The following LUZP2 variants were observed in gnomAD, a reference collection of about 807,000 sequenced individuals.
LUZP2 encodes the protein leucine zipper protein 2.
In LUZP2, 52 loss-of-function variants were observed where a neutral mutation model predicts 51.6. The ratio of observed to expected loss-of-function variants is 1.01; its 90% confidence interval spans 0.81 to 1.27. LUZP2 has a LOEUF of 1.27. Ranked by LOEUF, LUZP2 falls within the 50% of genes most tolerant of loss-of-function variation. LUZP2 has a pLI of 0.00. For missense variants in LUZP2, 436 were observed against 395.4 expected, an observed-to-expected ratio of 1.10 and a Z score of -0.87; for synonymous variants, 154 against 137.3, an observed-to-expected ratio of 1.12 and a Z score of -0.85.
chr11:25,046,637 T>A (rs113963275), intron 9 of LUZP2, among the ~76,000 whole-genome samples: 24 of 152,258 alleles, frequency 1.6e-4, no homozygotes, highest in African/African-American at 5.3e-4. Flanking sequence ...CCCAAGCCTA[T>A]AATAGCCTGA....
chr11:24,520,610 A>G (rs1182411988), intron 1 of LUZP2, among the ~76,000 whole-genome samples: 3 of 152,222 alleles, frequency 2.0e-5, no homozygotes, highest in Non-Finnish European at 4.4e-5. Context: ...TTGTGTTAGT[A>G]TGTTAATTAT....
chr11:24,939,063 CT>C (rs1854671478), intron 7 of LUZP2, among the ~76,000 whole-genome samples: 3 of 151,928 alleles, frequency 2.0e-5, no homozygotes, highest in African/African-American at 7.3e-5. Flanking sequence ...ATTTTTCTCT[CT>C]CTCTCTCTCT....
At chr11:24,894,332 G>T (rs1440063415) in intron 5 of LUZP2, among the ~76,000 whole-genome samples, 1 of 151,856 alleles carries the variant, frequency 6.6e-6, no homozygotes, top group Non-Finnish European at 1.5e-5. Flanking sequence ...CTGCCACCAC[G>T]CCCGGCTAAT....
At chr11:24,498,996 C>T (rs1205433197) in intron 1 of LUZP2, among the ~76,000 whole-genome samples, 4 of 152,086 alleles carry the variant, frequency 2.6e-5, no homozygotes, top group Admixed American at 6.6e-5. Flanking sequence ...ATTTAATGTT[C>T]GATATCTAAT....
intron 1 of LUZP2, among the ~76,000 whole-genome samples, chr11:24,549,880 G>A (rs955063858): frequency 2.6e-5 from 4 of 151,956 alleles, no homozygotes; most frequent in Non-Finnish European, 4.4e-5. Context: ...TGAATTGGAA[G>A]ATTCAATAAA....
At chr11:24,847,198 G>A (rs116015796) in intron 5 of LUZP2, among the ~76,000 whole-genome samples, 1 of 151,754 alleles carries the variant, frequency 6.6e-6, no homozygotes, top group South Asian at 2.1e-4. Flanking sequence ...AATCAGCATT[G>A]TATATATTCA....
chr11:24,805,452 T>C (rs968025994), intron 5 of LUZP2, among the ~76,000 whole-genome samples: 2 of 152,112 alleles, frequency 1.3e-5, no homozygotes, highest in African/African-American at 4.8e-5. Flanking sequence ...TGACATCAAG[T>C]GATCTGCCTG....
intron 10 of LUZP2, among the ~76,000 whole-genome samples, chr11:25,052,151 T>C (rs1198616309): frequency 2.0e-5 from 3 of 152,174 alleles, no homozygotes; most frequent in Non-Finnish European, 4.4e-5. Flanking sequence ...GCTACACCTT[T>C]TAGTACATAG....
chr11:24,581,674 TATAA>T (rs1054438600), intron 1 of LUZP2, among the ~76,000 whole-genome samples: 32 of 3,546 alleles, frequency 9.0e-3, no homozygotes, highest in Non-Finnish European at 0.018. Flanking sequence ...CTGTCTAAAA[TATAA>T]ATATAAATAT....
rs565879142 is a variant in LUZP2, at chr11:24,739,802, A to G, written c.333+1500A>G. The stretch of plus-strand genomic sequence containing the variant: ...AATGATTGTTGACTTTTCAAAGTAC[A>G]AAACTGTTTCATGTAAGGATTCACT... On this transcript the variant is annotated intron_variant, in intron 4 of 11. Coordinates refer to ENST00000336930, the MANE Select transcript of LUZP2 (RefSeq NM_001009909.4). Among the ~76,000 whole-genome samples, 12 of 152,248 alleles carry G rather than the reference A, an allele frequency of 7.9e-5. 1 individual carries two copies. The South Asian group carries it at 2.5e-3, about 32-fold the overall frequency.
intron 10 of LUZP2, among the ~76,000 whole-genome samples, chr11:25,076,802 A>C (rs1859320528): frequency 1.3e-5 from 2 of 149,302 alleles, no homozygotes; most frequent in Non-Finnish European, 3.0e-5. Flanking sequence ...AAACTGGTGA[A>C]GCTAATAAGT....
intron 1 of LUZP2, among the ~76,000 whole-genome samples, chr11:24,570,193 G>A (rs544395818): frequency 7.6e-4 from 115 of 152,168 alleles, no homozygotes; most frequent in African/African-American, 2.5e-3. Flanking sequence ...TCATAGACGA[G>A]AAGACGGTGA....
chr11:24,753,695 G>T (rs1165038966), intron 4 of LUZP2, among the ~76,000 whole-genome samples: 1 of 152,040 alleles, frequency 6.6e-6, no homozygotes, highest in Non-Finnish European at 1.5e-5. Flanking sequence ...ACATTTTTAA[G>T]TTCTTGTCCC....
intron 9 of LUZP2, among the ~76,000 whole-genome samples, chr11:25,031,585 A>G (rs553565044): frequency 1.3e-5 from 2 of 152,102 alleles, no homozygotes; most frequent in African/African-American, 4.8e-5. Context: ...TATACTTTTC[A>G]TTCTAATTTT....
chr11:24,693,051 C>G (rs1279438311), intron 1 of LUZP2, among the ~76,000 whole-genome samples: 1 of 151,704 alleles, frequency 6.6e-6, no homozygotes, highest in South Asian at 2.1e-4. Context: ...TATATTTTTG[C>G]TACCATACCA....
intron 1 of LUZP2, among the ~76,000 whole-genome samples, chr11:24,499,935 G>A (rs1849942132): frequency 6.6e-6 from 1 of 152,118 alleles, no homozygotes; most frequent in Non-Finnish European, 1.5e-5. Flanking sequence ...GTTGTGAACA[G>A]GTCTAATGGT....
At chr11:24,905,790 AT>A (rs1414092648) in intron 5 of LUZP2, among the ~76,000 whole-genome samples, 200 bp from the exon 6 acceptor site, 1 of 152,224 alleles carries the variant, frequency 6.6e-6, no homozygotes, top group African/African-American at 2.4e-5. Context: ...GAATGTGTTA[AT>A]GCTAATATGC....
chr11:24,790,137 C>T (rs1189309979), intron 5 of LUZP2, among the ~76,000 whole-genome samples: 1 of 152,086 alleles, frequency 6.6e-6, no homozygotes, highest in African/African-American at 2.4e-5. Context: ...GCTGTTGTGT[C>T]ACTCATCTTT....
At position 25,081,480 on chromosome 11, in the gene LUZP2, A is replaced by G. The variant is rs1191444184; in HGVS notation, c.*2822A>G. ...AAAATATATTTAGGAGTTCCTTTTA[A>G]TAACTAAGTTAGAGACTCTCTTTCA... On this transcript the variant is annotated 3_prime_UTR_variant, in exon 12 of 12. Transcript: ENST00000336930. 1 of 151,834 alleles carries G rather than the reference A, an allele frequency of 6.6e-6. No individual in the cohort carries two copies. Among genetic ancestry groups the G allele is most frequent in the African/African-American group, 2.4e-5 (1 of 41,358 alleles). 9.4% of individuals were successfully genotyped at this position (151,834 alleles called of 1,614,324 possible).
Sources: gnomAD v4.1 joint callset for allele counts (sites outside exome capture counted in the v4.1 genomes callset) on GRCh38, gnomAD v4.1.1 for gene constraint, MANE v1.5 for transcripts, NCBI Gene and HGNC (gene_info 2026-07-23, HGNC 2026-07-21) for gene names.